Variants in ZNF385D observed in about 807,000 individuals in gnomAD.
ZNF385D encodes zinc finger protein 659.
A neutral mutation model predicts 35.8 loss-of-function variants in ZNF385D; 15 were observed. The ratio of observed to expected loss-of-function variants is 0.42; its 90% CI spans 0.28 to 0.64. The LOEUF (loss-of-function observed/expected upper bound fraction) is 0.64, where lower values mean the gene tolerates loss of function less well. Among genes scored for constraint, ZNF385D ranks in the 30% least tolerant of loss-of-function variants. The pLI, the probability that ZNF385D is intolerant of heterozygous loss-of-function variation, is 0.23. For missense variants in ZNF385D, 474 were observed against 494.6 expected (o/e 0.96, Z 0.39); for synonymous variants, 212 against 186.8 (o/e 1.13, Z -1.10).
rs1379766391 is a variant in ZNF385D at position 22,367,352 on chromosome 3, C to T, written c.106+5098G>A. 3.9e-5 allele frequency among the ~76,000 whole-genome samples: 6 copies of T among 152,144 alleles called. No homozygotes were observed. The East Asian group carries it at 1.2e-3, about 29-fold the overall frequency. ...ATCCAGCCCGTCTAGTTCTTAAACT[C>T]ATACTCTTAAAATGCTACACTATGC... On this transcript the variant is annotated intron_variant, in intron 2 of 5. Coordinates refer to the ZNF385D transcript ENST00000494108.
intron 3 of ZNF385D, among the ~76,000 whole-genome samples, chr3:21,866,072 AATATAC>A (rs1401482261): frequency 1.3e-5 from 2 of 152,086 alleles, no homozygotes; most frequent in African/African-American, 4.8e-5. Context: ...TGTATGTACA[AATATAC>A]ATATATACAC....
chr3:22,057,724 G>T (rs1485463722), intron 3 of ZNF385D, among the ~76,000 whole-genome samples: 1 of 152,042 alleles, frequency 6.6e-6, no homozygotes, highest in Non-Finnish European at 1.5e-5. Flanking sequence ...ATGTTGGTCA[G>T]GCTGGTCTCG....
intron 3 of ZNF385D, among the ~76,000 whole-genome samples, chr3:21,936,710 T>C (rs1701277478): frequency 6.6e-6 from 1 of 152,124 alleles, no homozygotes; most frequent in Non-Finnish European, 1.5e-5. Flanking sequence ...GATGAATAAA[T>C]AAATGATTCA....
At chr3:21,515,848 G>GTTTACTACAATCCTTTACTGCACAGGAGT (rs1352467416) in intron 3 of ZNF385D, among the ~76,000 whole-genome samples, 2 of 152,218 alleles carry the variant, frequency 1.3e-5, no homozygotes, top group Non-Finnish European at 2.9e-5. Context: ...TGTAGGCTTA[G>GTTTACTACAATCCTTTACTGCACAGGAGT]TTACTGTAAT....
At chr3:22,001,211 A>AT (rs987801926) in intron 3 of ZNF385D, among the ~76,000 whole-genome samples, 5 of 152,084 alleles carry the variant, frequency 3.3e-5, no homozygotes, top group East Asian at 1.9e-4. Context: ...AGCTGAAAGG[A>AT]TTTTTTTTAA....
At chr3:22,245,601 A>G (rs1490002335) in intron 2 of ZNF385D, among the ~76,000 whole-genome samples, 2 of 152,072 alleles carry the variant, frequency 1.3e-5, no homozygotes, top group Non-Finnish European at 2.9e-5. Context: ...TAATTTTAAA[A>G]TGGAAAATGT....
chr3:21,460,923 T>C (rs557132640), intron 4 of ZNF385D, among the ~76,000 whole-genome samples: 44 of 152,320 alleles, frequency 2.9e-4, no homozygotes, highest in African/African-American at 1.0e-3. Flanking sequence ...AGGATTTGTT[T>C]AGCACTGTAC....
intron 3 of ZNF385D, among the ~76,000 whole-genome samples, chr3:21,763,859 GT>G (rs1172664230): frequency 1.3e-5 from 2 of 152,146 alleles, no homozygotes; most frequent in Non-Finnish European, 2.9e-5. Flanking sequence ...ACATTAAAAT[GT>G]TTTCATTAAT....
At chr3:21,916,927 T>C (rs913132093) in intron 3 of ZNF385D, among the ~76,000 whole-genome samples, 1 of 152,202 alleles carries the variant, frequency 6.6e-6, no homozygotes, top group African/African-American at 2.4e-5. Flanking sequence ...CCATTCTGTA[T>C]GTCGATTAGC....
chr3:22,211,494 C>A (rs1164753877), intron 2 of ZNF385D, among the ~76,000 whole-genome samples: 3 of 151,884 alleles, frequency 2.0e-5, no homozygotes, highest in African/African-American at 7.2e-5. Context: ...CTTACATGAG[C>A]ATTTGGAATT....
chr3:21,578,967 T>A (rs910443884), intron 2 of ZNF385D, among the ~76,000 whole-genome samples: 1 of 152,212 alleles, frequency 6.6e-6, no homozygotes, highest in Non-Finnish European at 1.5e-5. Context: ...GCATTTAATT[T>A]GAACACTGTA....
intron 3 of ZNF385D, among the ~76,000 whole-genome samples, chr3:21,782,328 G>A (rs952640343): frequency 6.6e-6 from 1 of 152,046 alleles, no homozygotes; most frequent in Non-Finnish European, 1.5e-5. Context: ...TAGAACTGAG[G>A]GAAATGACCT....
At chr3:22,271,071 G>C (rs1015036501) in intron 2 of ZNF385D, among the ~76,000 whole-genome samples, 2 of 151,630 alleles carry the variant, frequency 1.3e-5, no homozygotes, top group South Asian at 2.1e-4. Flanking sequence ...TCTTTTCCTG[G>C]AACACTCACT....
At chr3:21,780,026 G>T (rs2071430703) in intron 3 of ZNF385D, among the ~76,000 whole-genome samples, 1 of 151,900 alleles carries the variant, frequency 6.6e-6, no homozygotes, top group Admixed American at 6.6e-5. Flanking sequence ...AACATCTATT[G>T]TGTTACATGA....
At chr3:21,443,015 T>C (rs1701945308) in intron 4 of ZNF385D, among the ~76,000 whole-genome samples, 1 of 151,914 alleles carries the variant, frequency 6.6e-6, no homozygotes, top group South Asian at 2.1e-4. Flanking sequence ...ATCACAAAAA[T>C]GTATGTCTAA....
chr3:21,907,658 A>C (rs1026831187), intron 3 of ZNF385D, among the ~76,000 whole-genome samples: 3 of 152,126 alleles, frequency 2.0e-5, no homozygotes, highest in African/African-American at 7.2e-5. Context: ...ATTACCCTTC[A>C]CAATGGTTGT....
At position 22,057,051 on chromosome 3, in the gene ZNF385D, T is replaced by A. The variant is rs1201395179; in HGVS notation, c.325+111766A>T. Among the ~76,000 whole-genome samples the A allele has an allele frequency of 3.3e-5, 5 of 152,354 alleles. No homozygotes were observed. In the East Asian group the frequency reaches 9.6e-4, roughly 29 times the overall value. On this transcript the variant is annotated intron_variant, in intron 3 of 5. Coordinates refer to the ZNF385D transcript ENST00000494108. ...TGTCAGAAGTGAGAAGTAAAACAGA[T>A]AAACAAAATATTGAAACTAATAATT...
chr3:22,090,452 A>T (rs1002744064), intron 3 of ZNF385D, among the ~76,000 whole-genome samples: 4 of 152,120 alleles, frequency 2.6e-5, no homozygotes, highest in Non-Finnish European at 5.9e-5. Flanking sequence ...AATGATTATT[A>T]TAAGGAGCAT....
At chr3:21,702,920 G>A (rs187205662) in intron 1 of ZNF385D, among the ~76,000 whole-genome samples, 8 of 152,170 alleles carry the variant, frequency 5.3e-5, no homozygotes, top group Admixed American at 4.6e-4. Context: ...TTTTTTCAAA[G>A]CCATTCAACA....
Sources: gnomAD v4.1 joint callset for allele counts (sites outside exome capture counted in the v4.1 genomes callset) on GRCh38, gnomAD v4.1.1 for gene constraint, MANE v1.5 for transcripts, NCBI Gene and HGNC (gene_info 2026-07-23, HGNC 2026-07-21) for gene names.